The following DCAF6 variants were observed in gnomAD, a reference collection of about 807,000 sequenced individuals.
DCAF6 encodes DDB1 and CUL4 associated factor 6.
A neutral mutation model predicts 125.1 loss-of-function variants in DCAF6; 54 were observed. The observed-to-expected ratio is 0.43, with a 90% CI of 0.35 to 0.54. The LOEUF (loss-of-function observed/expected upper bound fraction) is 0.54. Among genes scored for constraint, DCAF6 ranks in the 20% least tolerant of loss-of-function variants. DCAF6 has a pLI of 0.01. For missense variants in DCAF6, 934 were observed against 1,161.7 expected, an observed-to-expected ratio of 0.80 and a Z score of 2.85; for synonymous variants, 371 against 390.4, an observed-to-expected ratio of 0.95 and a Z score of 0.58.
In DCAF6 at chr1:167,979,566, T is replaced by C. The variant is rs111644929; in HGVS notation, c.438+4551T>C. Reference sequence around the variant, plus strand: ...CTTTATAAGGCAGGAGAAGATTCCGTTGTATGTATATACCACATTTTCTTT... The same window carrying C: ...CTTTATAAGGCAGGAGAAGATTCCGCTGTATGTATATACCACATTTTCTTT... On this transcript the variant is annotated intron_variant, in intron 4 of 21. Transcript: ENST00000367840. Among the ~76,000 whole-genome samples, 448 of 152,334 alleles carry C rather than the reference T, an allele frequency of 2.9e-3. 1 individual carries two copies. The highest frequency in any genetic ancestry group is 0.01 in the African/African-American group (426 of 41,580).
At chr1:168,039,116 C>T (rs951400765) in intron 13 of DCAF6, among the ~76,000 whole-genome samples, 37 of 151,908 alleles carry the variant, frequency 2.4e-4, no homozygotes, top group Admixed American at 9.2e-4. Flanking sequence ...AATATCTTTG[C>T]TTATAAAGCC....
intron 4 of DCAF6, among the ~76,000 whole-genome samples, chr1:167,979,609 G>A (rs770550847): frequency 6.6e-6 from 1 of 152,182 alleles, no homozygotes; most frequent in African/African-American, 2.4e-5. Flanking sequence ...TATCTAGGCT[G>A]TGTGCTGTGG....
the DCAF6 span, among the ~76,000 whole-genome samples, chr1:167,875,406 A>G: frequency 1.6e-5 from 2 of 125,814 alleles, no homozygotes; most frequent in Admixed American, 8.2e-5. Context: ...TTTCCATAGC[A>G]TCTGGCACAT....
the DCAF6 span, among the ~76,000 whole-genome samples, chr1:167,921,825 AT>A: frequency 2.6e-5 from 4 of 152,214 alleles, no homozygotes; most frequent in African/African-American, 9.7e-5. Flanking sequence ...CAAATAAAAG[AT>A]TTAGCTTTAA....
At chr1:167,950,667 G>T (rs1673786241) in intron 1 of DCAF6, among the ~76,000 whole-genome samples, 1 of 152,144 alleles carries the variant, frequency 6.6e-6, no homozygotes, top group Non-Finnish European at 1.5e-5. Context: ...GAAAGTATAG[G>T]CAGATACAAT....
At chr1:167,968,935 T>C (rs995028946) in intron 3 of DCAF6, among the ~76,000 whole-genome samples, 3 of 152,194 alleles carry the variant, frequency 2.0e-5, no homozygotes, top group African/African-American at 7.2e-5. Context: ...CTTGGTATTA[T>C]TGCAATGTGA....
the DCAF6 span, among the ~76,000 whole-genome samples, chr1:167,871,440 A>G: frequency 6.6e-6 from 1 of 152,254 alleles, no homozygotes; most frequent in African/African-American, 2.4e-5. Context: ...AAAAATAAAA[A>G]TCACCTTGGG....
the DCAF6 span, chr1:167,878,614 A>G: frequency 6.2e-7 from 1 of 1,614,134 alleles, no homozygotes; most frequent in East Asian, 2.2e-5. Flanking sequence ...CCTGGCAGCT[A>G]AGTTGACTTT....
chr1:167,935,848 C>G (rs1671140425), upstream of DCAF6: 5 of 1,549,010 alleles, frequency 3.2e-6, no homozygotes, highest in Non-Finnish European at 3.5e-6. Context: ...ACATCGCCGC[C>G]GAGGGATCGT....
Position 167,965,352 on chromosome 1 carries a change from G to A in DCAF6, c.160-1277G>A, listed in dbSNP as rs1321885111. Among the ~76,000 whole-genome samples the A allele has an allele frequency of 3.3e-5, 5 of 152,148 alleles. No individual in the cohort carries two copies. The East Asian group carries it at 5.8e-4, about 18-fold the overall frequency. On this transcript the variant is annotated intron_variant, in intron 2 of 21. Coordinates refer to ENST00000367840, the MANE Select transcript of DCAF6 (RefSeq NM_001198956.2). ...TTTTCCTTCCCCAATGCGGAAGGCT[G>A]GAATTGGGTATTTCTGTTTGTCTAG... is the stretch of plus-strand genomic sequence containing the variant.
intron 10 of DCAF6, among the ~76,000 whole-genome samples, chr1:168,005,388 C>G (rs1000970987): frequency 1.3e-5 from 2 of 151,746 alleles, no homozygotes; most frequent in Admixed American, 6.6e-5. Flanking sequence ...TGTTAAAATG[C>G]TATTTTTTTC....
At position 167,973,476 on chromosome 1, in the gene DCAF6, C is replaced by T. The variant is rs555773968; in HGVS notation, c.253-1354C>T. The stretch of plus-strand genomic sequence containing the variant: ...ATTAATTGATGACTTCTGTTTGAAT[C>T]GGTTGTTGTAATGTCACAAAACAGT... On this transcript the variant is annotated intron_variant, in intron 3 of 21. Coordinates refer to ENST00000367840, the MANE Select transcript of DCAF6 (RefSeq NM_001198956.2). 2.6e-5 allele frequency among the ~76,000 whole-genome samples: 4 copies of T among 152,158 alleles called. No homozygotes were observed. In the South Asian group the frequency reaches 8.3e-4, roughly 32 times the overall value.
chr1:168,013,831 G>A (rs1001763314), intron 10 of DCAF6, among the ~76,000 whole-genome samples: 1 of 151,922 alleles, frequency 6.6e-6, no homozygotes, highest in South Asian at 2.1e-4. Context: ...CTGCAGCCTT[G>A]ACCTCCCTGG....
chr1:167,902,200 G>A, the DCAF6 span: 2 of 834,806 alleles, frequency 2.4e-6, no homozygotes, highest in Non-Finnish European at 3.9e-6. Context: ...TCCCAGACAA[G>A]CCACTTAACC....
At chr1:168,075,278 T>C (rs1207279859) in intron 21 of DCAF6, 93 bp from the exon 22 acceptor site, 7 of 1,199,506 alleles carry the variant, frequency 5.8e-6, no homozygotes, top group Non-Finnish European at 7.0e-6. Context: ...GAACTGATTT[T>C]TAATGCGTTT....
At chr1:168,037,393 A>G (rs901940503) in intron 12 of DCAF6, among the ~76,000 whole-genome samples, 12 of 152,194 alleles carry the variant, frequency 7.9e-5, no homozygotes, top group African/African-American at 2.7e-4. Flanking sequence ...TATCAAGGAA[A>G]AAGATATCTC....
chr1:167,871,267 A>C, the DCAF6 span, among the ~76,000 whole-genome samples: 1,026 of 152,328 alleles, frequency 6.7e-3, 16 homozygotes, highest in African/African-American at 0.024. Flanking sequence ...GGCTACAAAA[A>C]GCATTACCAG....
intron 11 of DCAF6, chr1:168,019,561 G>A: frequency 2.2e-6 from 1 of 456,222 alleles, no homozygotes; most frequent in Middle Eastern, 3.3e-4. Flanking sequence ...TGAAGTCATG[G>A]GTTGCTGGCT....
chr1:168,054,629 T>C (rs952751733), intron 17 of DCAF6, among the ~76,000 whole-genome samples: 7 of 152,154 alleles, frequency 4.6e-5, no homozygotes, highest in Admixed American at 3.9e-4. Flanking sequence ...CTCTTACTTA[T>C]AGGATTCAAT....
Sources: allele counts gnomAD v4.1 joint callset (sites outside exome capture counted in the v4.1 genomes callset), GRCh38; gene constraint gnomAD v4.1.1; transcripts MANE v1.5; gene names NCBI Gene and HGNC (gene_info 2026-07-23, HGNC 2026-07-21).